Variants in TRHDE observed in about 807,000 individuals in gnomAD.
TRHDE encodes thyrotropin releasing hormone degrading enzyme, also known as thyrotropin-releasing hormone-degrading ectoenzyme.
TRHDE carries 72 observed loss-of-function variants against 125.7 expected under a neutral mutation model. The observed-to-expected ratio is 0.57, with a 90% CI of 0.47 to 0.70. The LOEUF (loss-of-function observed/expected upper bound fraction) is 0.70. TRHDE is among the 30% of genes least tolerant of loss of function. TRHDE has a pLI of 0.00. For missense variants in TRHDE, 1,110 were observed against 1,327.1 expected (o/e 0.84, Z 2.54); for synonymous variants, 509 against 509.1 (o/e 1.00, Z 0.00).
chr12:72,272,634 A>T lies in TRHDE; in HGVS notation c.-10A>T. ...CCAGAGGGGGCGGGGGAGGAGGAGGAGGCGGTGTGATGGCCCTGGACGGCG... is the reference window on the plus strand; with the variant it reads ...CCAGAGGGGGCGGGGGAGGAGGAGGTGGCGGTGTGATGGCCCTGGACGGCG... On this transcript the variant is annotated 5_prime_UTR_variant, in exon 1 of 19. Coordinates refer to ENST00000261180, the MANE Select transcript of TRHDE (RefSeq NM_013381.3). This position sits in a 1 kb window ranked among gnomAD's most constrained non-coding sequence, Gnocchi z 6.7. 1 of 954,588 alleles carries T rather than the reference A, an allele frequency of 1.0e-6. No homozygotes were observed. The allele number at this position is 954,588 out of a possible 1,614,324, so 59.1% of individuals were successfully genotyped here.
At chr12:72,268,936 A>C (rs1285640484), upstream of TRHDE, among the ~76,000 whole-genome samples, 1 of 152,136 alleles carries the variant, frequency 6.6e-6, no homozygotes, top group Non-Finnish European at 1.5e-5. Flanking sequence ...CATGTTTCTG[A>C]GAGAAACATC....
intron 2 of TRHDE, among the ~76,000 whole-genome samples, chr12:72,194,694 G>A (rs891716641): frequency 1.3e-5 from 2 of 152,056 alleles, no homozygotes; most frequent in Non-Finnish European, 2.9e-5. Flanking sequence ...CCACATTGCT[G>A]CGAAGGACAT....
chr12:72,650,842 C>T (rs12370001), intron 15 of TRHDE, among the ~76,000 whole-genome samples: 10,268 of 152,098 alleles, frequency 0.068, 407 homozygotes, highest in Middle Eastern at 0.11. Flanking sequence ...GAGGCATCTC[C>T]GTAATCTTAA....
At chr12:72,417,699 T>G (rs1215773817) in intron 3 of TRHDE, among the ~76,000 whole-genome samples, 1 of 152,074 alleles carries the variant, frequency 6.6e-6, no homozygotes, top group East Asian at 1.9e-4. Flanking sequence ...TAATTCATAT[T>G]GTTACTGAAG....
intron 2 of TRHDE, among the ~76,000 whole-genome samples, chr12:72,178,064 T>C (rs1325859357): frequency 1.3e-5 from 2 of 152,148 alleles, no homozygotes; most frequent in Admixed American, 6.5e-5. Flanking sequence ...GTTTCTATGA[T>C]ATTGAGCACC....
chr12:72,585,879 T>C (rs1329054040), intron 12 of TRHDE, among the ~76,000 whole-genome samples: 1 of 152,204 alleles, frequency 6.6e-6, no homozygotes, highest in Non-Finnish European at 1.5e-5. Context: ...AGTTAAACTC[T>C]AAAGAAATTT....
chr12:72,669,346 T>G lies in TRHDE; in HGVS notation c.*6151T>G, dbSNP rs1205223736. 1 of 151,816 alleles carries G rather than the reference T, an allele frequency of 6.6e-6. No individual in the cohort carries two copies. The highest frequency in any genetic ancestry group is 2.4e-5 in the African/African-American group (1 of 41,396). 9.4% of individuals were successfully genotyped at this position (151,816 alleles called of 1,614,324 possible). A position where few individuals can be genotyped will look rare whatever the true frequency, so the allele number is the denominator to read the frequency against. On this transcript the variant is annotated 3_prime_UTR_variant, in exon 19 of 19. Transcript: ENST00000261180. ...TGCTTAATTTACTTAAACTTAACAT[T>G]TTCAATGGGTTTGCTGTGTGAAGAT...
intron 3 of TRHDE, among the ~76,000 whole-genome samples, chr12:72,393,167 A>AT (rs1197735939): frequency 1.3e-5 from 2 of 152,274 alleles, no homozygotes; most frequent in Admixed American, 6.5e-5. Flanking sequence ...GAAAACCTGA[A>AT]TTTTTTGTCA....
intron 15 of TRHDE, among the ~76,000 whole-genome samples, chr12:72,622,041 A>G (rs948436575): frequency 5.9e-5 from 9 of 152,154 alleles, no homozygotes; most frequent in African/African-American, 1.9e-4. Flanking sequence ...CTGCTATCTC[A>G]TAAGAACAAA....
intron 5 of TRHDE, among the ~76,000 whole-genome samples, chr12:72,498,579 C>T (rs1461895275): frequency 1.3e-5 from 2 of 152,142 alleles, no homozygotes; most frequent in African/African-American, 4.8e-5. Flanking sequence ...TACTCTCCTC[C>T]TTCAATGAAG....
intron 5 of TRHDE, among the ~76,000 whole-genome samples, chr12:72,489,122 T>C (rs2135923473): frequency 6.6e-6 from 1 of 150,688 alleles, no homozygotes; most frequent in East Asian, 2.0e-4. Flanking sequence ...AAATCTTAAA[T>C]TAGCAGGAGA....
chr12:72,222,499 C>G (rs1017855090), intron 2 of TRHDE, among the ~76,000 whole-genome samples: 10 of 146,156 alleles, frequency 6.8e-5, no homozygotes, highest in African/African-American at 2.5e-4. Flanking sequence ...ACAGAGATTT[C>G]TGGATCCTTT....
intron 12 of TRHDE, among the ~76,000 whole-genome samples, chr12:72,585,741 T>C (rs892634875): frequency 6.6e-6 from 1 of 152,200 alleles, no homozygotes; most frequent in South Asian, 2.1e-4. Context: ...CAAAGACTAC[T>C]GAAAAATTAA....
At chr12:72,286,474 C>T (rs1319780632) in intron 1 of TRHDE, among the ~76,000 whole-genome samples, 1 of 152,108 alleles carries the variant, frequency 6.6e-6, no homozygotes, top group Non-Finnish European at 1.5e-5. Context: ...TTAATTGAGG[C>T]AGAAACCTCC....
chr12:72,096,872 G>T (rs1874935659), intron 1 of TRHDE, among the ~76,000 whole-genome samples: 1 of 152,188 alleles, frequency 6.6e-6, no homozygotes, highest in Non-Finnish European at 1.5e-5. Flanking sequence ...TTTCAGGCTA[G>T]GTTGCCATTA....
intron 2 of TRHDE, among the ~76,000 whole-genome samples, chr12:72,127,124 G>T (rs765009044): frequency 1.3e-5 from 2 of 152,102 alleles, no homozygotes; most frequent in Non-Finnish European, 2.9e-5. Context: ...TCAAAGAAAT[G>T]CAAATCAAAA....
intron 3 of TRHDE, among the ~76,000 whole-genome samples, chr12:72,422,782 A>G (rs1273200477): frequency 6.6e-6 from 1 of 152,174 alleles, no homozygotes; most frequent in Non-Finnish European, 1.5e-5. Context: ...GAATGTGACC[A>G]TGTTTTTGAA....
chr12:72,656,890 A>G, intron 17 of TRHDE, 37 bp from the exon 18 acceptor site: 1 of 1,330,674 alleles, frequency 7.5e-7, no homozygotes, highest in Non-Finnish European at 1.1e-6. Context: ...TAAAATTATG[A>G]CCTGCATTGA....
intron 6 of TRHDE, among the ~76,000 whole-genome samples, chr12:72,505,984 A>G (rs993025412): frequency 6.6e-6 from 1 of 152,176 alleles, no homozygotes; most frequent in African/African-American, 2.4e-5. Flanking sequence ...CAAGGGGGAA[A>G]AAAGATGATG....
Sources: gnomAD v4.1 joint callset for allele counts (sites outside exome capture counted in the v4.1 genomes callset) on GRCh38, gnomAD v4.1.1 for gene constraint, Gnocchi (gnomAD v3.1) non-coding constraint, MANE v1.5 for transcripts, NCBI Gene and HGNC (gene_info 2026-07-23, HGNC 2026-07-21) for gene names.